Variants in MAGI2 observed in about 807,000 individuals in gnomAD.
MAGI2 encodes the protein membrane-associated guanylate kinase, WW and PDZ domain-containing protein 2.
In MAGI2, 35 loss-of-function variants were observed where a neutral mutation model predicts 133.3. The ratio of observed to expected loss-of-function variants is 0.26; its 90% CI spans 0.20 to 0.35. The LOEUF is 0.35. Among genes scored for constraint, MAGI2 ranks in the 10% least tolerant of loss-of-function variants. The probability of loss-of-function intolerance (pLI) is 1.00; values close to 1 mark genes in which losing one functional copy is unlikely to be tolerated. For synonymous variants in MAGI2, 729 were observed against 710.6 expected (o/e 1.03, Z -0.41); for missense variants, 1,636 against 1,863.4 (o/e 0.88, Z 2.25).
intron 6 of MAGI2, among the ~76,000 whole-genome samples, chr7:78,476,150 T>C (rs142442903): frequency 4.9e-4 from 74 of 152,032 alleles, no homozygotes; most frequent in African/African-American, 1.7e-3. Flanking sequence ...GACAACCAGA[T>C]CAACTTATTT....
At chr7:79,216,668 C>T (rs940940152) in intron 1 of MAGI2, among the ~76,000 whole-genome samples, 2 of 152,064 alleles carry the variant, frequency 1.3e-5, no homozygotes, top group African/African-American at 4.8e-5. Flanking sequence ...ATGAGCCACA[C>T]CCCTGTTGCA....
Position 78,435,569 on chromosome 7 carries a change from C to G in MAGI2, c.1045+54192G>C, listed in dbSNP as rs1800207520. Among the ~76,000 whole-genome samples the G allele has an allele frequency of 2.0e-5, 3 of 152,220 alleles. No homozygotes were observed. In the South Asian group the frequency reaches 6.2e-4, roughly 32 times the overall value. ...AAAACAAAACACACACAAGTGGGCTCACAAGCTGAGAACTGCAAGCAGAAG... is the reference window on the plus strand; with the variant it reads ...AAAACAAAACACACACAAGTGGGCTGACAAGCTGAGAACTGCAAGCAGAAG... On this transcript the variant is annotated intron_variant, in intron 6 of 21. Coordinates refer to ENST00000354212, the MANE Select transcript of MAGI2 (RefSeq NM_012301.4).
chr7:78,024,008 A>G (rs1808669840), intron 21 of MAGI2, among the ~76,000 whole-genome samples: 2 of 152,206 alleles, frequency 1.3e-5, no homozygotes, highest in Non-Finnish European at 1.5e-5. Flanking sequence ...ACCAGTTCAT[A>G]TAAGGGACTT....
intron 20 of MAGI2, among the ~76,000 whole-genome samples, chr7:78,083,297 T>A (rs3807749): frequency 6.8e-6 from 1 of 147,314 alleles, no homozygotes; most frequent in Non-Finnish European, 1.5e-5. Context: ...CACTCATTCT[T>A]AGAGTATTTT....
At chr7:78,390,027 G>A (rs1795755435) in intron 6 of MAGI2, among the ~76,000 whole-genome samples, 1 of 152,044 alleles carries the variant, frequency 6.6e-6, no homozygotes, top group African/African-American at 2.4e-5. Flanking sequence ...ATAATACTTT[G>A]TGACATTTCA....
chr7:78,312,809 T>C (rs1009455254), intron 9 of MAGI2, among the ~76,000 whole-genome samples: 12 of 151,852 alleles, frequency 7.9e-5, no homozygotes, highest in African/African-American at 2.9e-4. Context: ...CAAAGGGAAA[T>C]ATTATATCAA....
intron 1 of MAGI2, among the ~76,000 whole-genome samples, chr7:79,259,434 T>C (rs964571669): frequency 3.9e-5 from 6 of 152,202 alleles, no homozygotes; most frequent in Admixed American, 3.9e-4. Flanking sequence ...ATGCATCATC[T>C]GGATATGCTA....
intron 1 of MAGI2, among the ~76,000 whole-genome samples, chr7:79,009,333 A>G (rs1236200703): frequency 6.6e-6 from 1 of 151,838 alleles, no homozygotes; most frequent in Non-Finnish European, 1.5e-5. Context: ...CTTTTTTTTC[A>G]TAGAAGAACT....
chr7:79,195,973 C>T (rs866414463), intron 1 of MAGI2, among the ~76,000 whole-genome samples: 11 of 151,620 alleles, frequency 7.3e-5, no homozygotes, highest in African/African-American at 2.4e-4. Flanking sequence ...GGTTGGGCAT[C>T]GGGGGTTGAG....
chr7:78,595,699 A>C (rs1287316899), intron 3 of MAGI2, among the ~76,000 whole-genome samples: 1 of 152,204 alleles, frequency 6.6e-6, no homozygotes, highest in Non-Finnish European at 1.5e-5. Context: ...ATGGAGAATA[A>C]GAAATGCAAA....
At chr7:79,261,482 C>T (rs1470997744) in intron 1 of MAGI2, among the ~76,000 whole-genome samples, 1 of 152,182 alleles carries the variant, frequency 6.6e-6, no homozygotes, top group Non-Finnish European at 1.5e-5. Flanking sequence ...GTCAAATCCA[C>T]TTCCTCAAAG....
chr7:78,916,584 A>C (rs1416330358), intron 2 of MAGI2, among the ~76,000 whole-genome samples: 2 of 152,174 alleles, frequency 1.3e-5, no homozygotes, highest in East Asian at 3.8e-4. Context: ...GAGGGGATGC[A>C]CAAAATTAAA....
intron 2 of MAGI2, among the ~76,000 whole-genome samples, chr7:78,715,802 T>C (rs1819640947): frequency 6.6e-6 from 1 of 152,172 alleles, no homozygotes. Context: ...TCCTGGGATA[T>C]AAAAGTGCCA....
chr7:78,038,310 T>G (rs1235239813), intron 21 of MAGI2, among the ~76,000 whole-genome samples: 1 of 152,190 alleles, frequency 6.6e-6, no homozygotes, highest in Non-Finnish European at 1.5e-5. Flanking sequence ...ATTTTTCAGA[T>G]GAATATGGCG....
At chr7:78,415,242 T>C (rs1015380908) in intron 6 of MAGI2, among the ~76,000 whole-genome samples, 1 of 152,110 alleles carries the variant, frequency 6.6e-6, no homozygotes, top group Non-Finnish European at 1.5e-5. Flanking sequence ...TCAAGACCTA[T>C]AGAGTTGTAT....
At chr7:78,788,925 G>C (rs867229663) in intron 2 of MAGI2, among the ~76,000 whole-genome samples, 19 of 152,008 alleles carry the variant, frequency 1.2e-4, no homozygotes, top group South Asian at 1.0e-3. Context: ...GTCTGCCTCT[G>C]TACCCCTACG....
rs551467940 is a variant in MAGI2, at chr7:78,163,018, T to A, written c.2597-2745A>T. Among the ~76,000 whole-genome samples, 3 of 152,318 alleles carry A rather than the reference T, an allele frequency of 2.0e-5. No homozygotes were observed. In the East Asian group the frequency reaches 5.8e-4, roughly 29 times the overall value. On this transcript the variant is annotated intron_variant, in intron 15 of 21. Transcript: ENST00000354212. ...AAATTCATGTATTATATAATTTTTTTAAAGAAAATTCACTAATTTCTAGGA... is the reference window on the plus strand; with the variant it reads ...AAATTCATGTATTATATAATTTTTTAAAAGAAAATTCACTAATTTCTAGGA...
chr7:78,512,745 A>G (rs901902377), intron 4 of MAGI2, among the ~76,000 whole-genome samples: 18 of 152,328 alleles, frequency 1.2e-4, no homozygotes, highest in Non-Finnish European at 1.9e-4. Flanking sequence ...CTGAGAATGC[A>G]TATTTCGTGC....
chr7:78,246,881 C>T (rs1791847839), intron 10 of MAGI2, among the ~76,000 whole-genome samples: 1 of 152,208 alleles, frequency 6.6e-6, no homozygotes, highest in Non-Finnish European at 1.5e-5. Context: ...AGAGACATAG[C>T]TACAAGCTGG....
Sources: gnomAD v4.1 joint callset for allele counts (sites outside exome capture counted in the v4.1 genomes callset) on GRCh38, gnomAD v4.1.1 for gene constraint, MANE v1.5 for transcripts, NCBI Gene and HGNC (gene_info 2026-07-23, HGNC 2026-07-21) for gene names.